Variants in CA1 observed in about 807,000 individuals in gnomAD.
The protein encoded by CA1 is carbonate dehydratase I.
In CA1, 27 loss-of-function variants were observed where a neutral mutation model predicts 28.8. The observed-to-expected ratio is 0.94, with a 90% CI of 0.69 to 1.29. The LOEUF (loss-of-function observed/expected upper bound fraction) is 1.29. CA1 is among the 50% of genes most tolerant of loss of function. The probability of loss-of-function intolerance (pLI) is 0.00; values close to 1 mark genes in which losing one functional copy is unlikely to be tolerated. For synonymous variants in CA1, 121 were observed against 108.8 expected (o/e 1.11, Z -0.70); for missense variants, 335 against 310.5 (o/e 1.08, Z -0.59).
In CA1 at chr8:85,336,988, T is replaced by C; in HGVS notation, c.311A>G (p.His104Arg). ...FHFHWGSTNE[H>R]GSEHTVDGVK... Reference sequence around the variant, plus strand: ...TCCATCCACTGTATGTTCTGAACCATGCTCATTTGTACTGCCCCAGTGAAA... The same window carrying C: ...TCCATCCACTGTATGTTCTGAACCACGCTCATTTGTACTGCCCCAGTGAAA... Residue 104 changes from histidine to arginine, a missense_variant, in exon 4 of 8, where the codon CAT (histidine) becomes CGT (arginine). Transcript: ENST00000523022. The C allele has an allele frequency of 5.0e-6, 8 of 1,612,978 alleles. No individual in the cohort carries two copies. Among genetic ancestry groups the C allele is most frequent in the Non-Finnish European group, 6.8e-6 (8 of 1,179,042 alleles).
Position 85,338,389 on chromosome 8 carries a change from T to C in CA1, c.98A>G (p.Asp33Gly). The change falls in exon 3 of 8, where the codon GAT (aspartate) becomes GGT (glycine). Residue 33 changes from aspartate (D) to glycine (G), a missense_variant. Transcript: ENST00000523022. ...ATGTTTGGTTTCACTGGTTTTAATA[T>C]CAACAGGGGACTGGTTATTTCCATT... ...IANGNNQSPV[D>G]IKTSETKHDT... is the part of the protein sequence containing the mutation. 1 of 1,614,012 alleles carries C rather than the reference T, an allele frequency of 6.2e-7. No homozygotes were observed. Among genetic ancestry groups the C allele is most frequent in the East Asian group, 2.2e-5 (1 of 44,856 alleles).
At chr8:85,375,682 G>C (rs1046931436) in intron 1 of CA1, among the ~76,000 whole-genome samples, 1 of 152,202 alleles carries the variant, frequency 6.6e-6, no homozygotes, top group African/African-American at 2.4e-5. Flanking sequence ...AGAAAGTTCA[G>C]ATAAGATGGA....
At chr8:85,352,287 C>T (rs7840971) in intron 1 of CA1, among the ~76,000 whole-genome samples, 2 of 152,096 alleles carry the variant, frequency 1.3e-5, no homozygotes, top group Non-Finnish European at 2.9e-5. Context: ...CATTTGGCCC[C>T]GCTACATGTT....
intron 1 of CA1, among the ~76,000 whole-genome samples, chr8:85,355,462 A>G (rs556482083): frequency 1.3e-4 from 19 of 151,798 alleles, no homozygotes; most frequent in African/African-American, 4.6e-4. Context: ...AGATCACTGC[A>G]GCATCCAGGT....
intron 1 of CA1, among the ~76,000 whole-genome samples, chr8:85,353,230 T>G (rs1242761457): frequency 6.6e-6 from 1 of 152,226 alleles, no homozygotes; most frequent in African/African-American, 2.4e-5. Flanking sequence ...CTCACTTGGG[T>G]AGCATTTGCA....
intron 1 of CA1, among the ~76,000 whole-genome samples, chr8:85,369,378 G>A (rs1014710152): frequency 6.6e-6 from 1 of 152,024 alleles, no homozygotes; most frequent in African/African-American, 2.4e-5. Flanking sequence ...GCTTGCCTAG[G>A]ATGCATCTCT....
chr8:85,334,778 G>A (rs1808576898), intron 4 of CA1, among the ~76,000 whole-genome samples: 1 of 152,010 alleles, frequency 6.6e-6, no homozygotes, highest in Non-Finnish European at 1.5e-5. Context: ...GGATCACGAG[G>A]TCAGGAGTTC....
intron 6 of CA1, among the ~76,000 whole-genome samples, chr8:85,331,716 C>T (rs912838480): frequency 2.6e-5 from 4 of 152,104 alleles, no homozygotes; most frequent in African/African-American, 9.7e-5. Context: ...CCTCGGCCTC[C>T]CAAAGTGCAG....
intron 7 of CA1, among the ~76,000 whole-genome samples, 175 bp downstream of exon 7, chr8:85,329,514 A>G (rs1808307497): frequency 6.6e-6 from 1 of 152,112 alleles, no homozygotes; most frequent in Admixed American, 6.6e-5. Context: ...AAAGTATTAT[A>G]ATGCATTTTT....
intron 2 of CA1, among the ~76,000 whole-genome samples, chr8:85,340,742 A>G (rs956788131): frequency 2.6e-5 from 4 of 152,202 alleles, no homozygotes; most frequent in Non-Finnish European, 1.5e-5. Context: ...GTTTGAAAGA[A>G]GTTAATTCCA....
intron 1 of CA1, among the ~76,000 whole-genome samples, chr8:85,374,937 C>T (rs1261271064): frequency 6.6e-6 from 1 of 152,098 alleles, no homozygotes; most frequent in Admixed American, 6.6e-5. Flanking sequence ...CTCAAAAATG[C>T]CCACAGCCCC....
chr8:85,335,661 A>G (rs6985726), intron 4 of CA1, among the ~76,000 whole-genome samples: 4,421 of 152,302 alleles, frequency 0.029, 220 homozygotes, highest in African/African-American at 0.1. Flanking sequence ...AGCATGGATT[A>G]TATTGATTTT....
chr8:85,338,406 A>G lies in CA1; in HGVS notation c.81T>C (p.Asn27=). The part of the protein sequence containing the change: ...WSKLYPIANG[N]NQSPVDIKTS... ...TTTTAATATCAACAGGGGACTGGTT[A>G]TTTCCATTGGCAATGGGATACAGCT... is the stretch of plus-strand genomic sequence containing the variant. The change falls in exon 3 of 8, where the codon AAT becomes AAC. Residue 27 remains asparagine (N), a synonymous_variant. Coordinates refer to ENST00000523022, the MANE Select transcript of CA1 (RefSeq NM_001128831.4). 1 of 1,614,024 alleles carries G rather than the reference A, an allele frequency of 6.2e-7. No homozygotes were observed. Among genetic ancestry groups the G allele is most frequent in the South Asian group, 1.1e-5 (1 of 91,084 alleles).
At chr8:85,335,294 C>T (rs564001072) in intron 4 of CA1, among the ~76,000 whole-genome samples, 1 of 152,172 alleles carries the variant, frequency 6.6e-6, no homozygotes, top group Non-Finnish European at 1.5e-5. Flanking sequence ...TGTGTCTCTA[C>T]GGAAATGTTA....
At chr8:85,329,523 T>G (rs1450475271) in intron 7 of CA1, among the ~76,000 whole-genome samples, 166 bp downstream of exon 7, 1 of 152,182 alleles carries the variant, frequency 6.6e-6, no homozygotes, top group East Asian at 1.9e-4. Flanking sequence ...TAATGCATTT[T>G]TGGATAGTTT....
intron 1 of CA1, among the ~76,000 whole-genome samples, chr8:85,366,375 G>T (rs1810008303): frequency 6.6e-6 from 1 of 152,064 alleles, no homozygotes; most frequent in Non-Finnish European, 1.5e-5. Context: ...CTCCAAGGAA[G>T]ACTTTTGATC....
intron 1 of CA1, chr8:85,341,926 T>A (rs926543403): frequency 4.6e-5 from 14 of 301,872 alleles, no homozygotes; most frequent in Non-Finnish European, 8.6e-5. Context: ...CAAGTCCTGT[T>A]TCACTCATGT....
chr8:85,344,250 AT>A (rs71273930), intron 1 of CA1, among the ~76,000 whole-genome samples: 16 of 100,638 alleles, frequency 1.6e-4, no homozygotes, highest in Admixed American at 1.4e-3. Context: ...ATAATTATAT[AT>A]TATATACAGT....
intron 1 of CA1, among the ~76,000 whole-genome samples, chr8:85,347,539 C>T (rs918046706): frequency 6.6e-6 from 1 of 152,148 alleles, no homozygotes; most frequent in East Asian, 1.9e-4. Flanking sequence ...GGTGGGCTGG[C>T]CGCAAGTGAG....
Sources: allele counts gnomAD v4.1 joint callset (sites outside exome capture counted in the v4.1 genomes callset), GRCh38; gene constraint gnomAD v4.1.1; transcripts MANE v1.5; gene names NCBI Gene and HGNC (gene_info 2026-07-23, HGNC 2026-07-21).